The following CES4A variants were observed in gnomAD, a reference collection of about 807,000 sequenced individuals.
The protein encoded by CES4A is carboxylesterase 4A.
Under a neutral mutation model 65.4 loss-of-function variants are expected in CES4A, and 48 were observed. The ratio of observed to expected loss-of-function variants is 0.73; its 90% CI spans 0.58 to 0.93. The LOEUF (loss-of-function observed/expected upper bound fraction) is 0.93, where lower values mean the gene tolerates loss of function less well. CES4A is among the 40% of genes least tolerant of loss of function. CES4A has a pLI of 0.00. For missense variants in CES4A, 685 were observed against 728.5 expected (o/e 0.94, Z 0.69); for synonymous variants, 247 against 281.8 (o/e 0.88, Z 1.24).
chr16:67,002,933 G>A, intron 5 of CES4A, 137 bp from the exon 6 acceptor site: 1 of 710,704 alleles, frequency 1.4e-6, no homozygotes, highest in African/African-American at 1.7e-5. Context: ...ATCACCCCAG[G>A]ACTCCTGACT....
At chr16:66,988,806 T>C (rs1256542478) in exon 1 of CES4A, 2 of 1,569,768 alleles carry the variant, frequency 1.3e-6, no homozygotes, top group Non-Finnish European at 1.7e-6. Context: ...CCTCACCCTC[T>C]GCCTGATGGC....
In CES4A at chr16:67,008,825, T is replaced by G. The variant is rs963148531; in HGVS notation, c.1518-149T>G. On this transcript the variant is annotated intron_variant, in intron 13 of 13. Transcript: ENST00000648724. ...GGAAGGCCCACCCCAATACACACTT[T>G]CCTACTCTTTATTAAAGTTCTAAGT... The G allele has an allele frequency of 4.5e-5, 35 of 779,604 alleles. 1 individual carries two copies. The highest frequency in any genetic ancestry group is 6.9e-5 in the Non-Finnish European group (33 of 476,034). 48.3% of individuals were successfully genotyped at this position (779,604 alleles called of 1,614,324 possible). A position where few individuals can be genotyped will look rare whatever the true frequency, so the allele number is the denominator to read the frequency against.
exon 2 of CES4A, chr16:66,995,665 A>C (rs1376197023): frequency 6.2e-7 from 1 of 1,614,090 alleles, no homozygotes; most frequent in African/African-American, 1.3e-5. Context: ...TGGTCACCAA[A>C]TATGGAACCC....
intron 1 of CES4A, 101 bp downstream of exon 1, chr16:66,988,931 G>C (rs1964160875): frequency 4.4e-6 from 6 of 1,378,322 alleles, no homozygotes; most frequent in Non-Finnish European, 5.8e-6. Flanking sequence ...CAGGGCAGGA[G>C]CACTTAGACA....
intron 2 of CES4A, among the ~76,000 whole-genome samples, chr16:66,996,935 G>A (rs896153275): frequency 1.3e-5 from 2 of 151,886 alleles, no homozygotes; most frequent in Admixed American, 1.3e-4. Context: ...GAGCACCTGT[G>A]GTCCCAGTTA....
chr16:66,989,804 G>A (rs1472294875), intron 1 of CES4A, among the ~76,000 whole-genome samples: 8 of 151,374 alleles, frequency 5.3e-5, no homozygotes, highest in Admixed American at 6.6e-5. Context: ...GTAGTGAGCC[G>A]AGATCGTGCC....
intron 5 of CES4A, among the ~76,000 whole-genome samples, chr16:67,002,671 T>G (rs1416716216): frequency 1.3e-5 from 2 of 151,956 alleles, no homozygotes; most frequent in African/African-American, 4.8e-5. Flanking sequence ...AGGGACAGGA[T>G]GGGAGGCCCT....
Position 67,003,056 on chromosome 16 carries a change from C to T in CES4A, c.691-14C>T, listed in dbSNP as rs758090835. On this transcript the variant is annotated splice_polypyrimidine_tract_variant and intron_variant, in intron 5 of 13. Transcript: ENST00000648724. The surrounding 1 kb of genome is among the most constrained non-coding windows in gnomAD (Gnocchi z 4.2). ...TTGGGCATCTCACGGGTGTATTCCT[C>T]CCTGTTCTTGCAGATGATGTCACCC... is the stretch of plus-strand genomic sequence containing the variant. 6.2e-7 allele frequency: 1 copy of T among 1,609,834 alleles called. No individual in the cohort carries two copies. Among genetic ancestry groups the T allele is most frequent in the South Asian group, 1.1e-5 (1 of 90,966 alleles).
rs761246337 is a variant in CES4A at position 66,996,042 on chromosome 16, T to C, written c.260+213T>C. 4.4e-6 allele frequency: 3 copies of C among 687,906 alleles called. No homozygotes were observed. In the South Asian group the frequency reaches 4.5e-5, roughly 10 times the overall value. The allele number at this position is 687,906 out of a possible 1,614,324, so 42.6% of individuals were successfully genotyped here. ...CAATGCTGCTGTTGGTTTTTGTTTT[T>C]GTTTTTGTTTTTTTTAGATGGAGTC... On this transcript the variant is annotated intron_variant, in intron 2 of 13. Coordinates refer to ENST00000648724, the Ensembl canonical transcript of CES4A.
In CES4A at chr16:67,001,860, C is replaced by G. The variant is rs996494205; in HGVS notation, c.690+399C>G. On this transcript the variant is annotated intron_variant, in intron 5 of 13. Transcript: ENST00000648724. The surrounding 1 kb of genome is among the most constrained non-coding windows in gnomAD (Gnocchi z 4.1). The stretch of plus-strand genomic sequence containing the variant: ...AGTTGACGGGCTTTGCCCCTGACTC[C>G]TGTGTGACTGCTGACCTGGGATGTG... 1.3e-5 allele frequency among the ~76,000 whole-genome samples: 2 copies of G among 152,264 alleles called. No individual in the cohort carries two copies. Among genetic ancestry groups the G allele is most frequent in the African/African-American group, 4.8e-5 (2 of 41,472 alleles).
At position 67,000,653 on chromosome 16, in the gene CES4A, C is replaced by T; in HGVS notation, c.276C>T (p.Ser92=). Residue 92 remains serine, a synonymous_variant, in exon 3 of 14, where the codon TCC becomes TCT. Transcript: ENST00000648724. This position sits in a 1 kb window ranked among gnomAD's most constrained non-coding sequence, Gnocchi z 4.2. ...GTGCCCGCAGGTGCCTGCAGGAGTCCTGGGGCCAGCTGGCCTCGATGTACG... is the reference window on the plus strand; with the variant it reads ...GTGCCCGCAGGTGCCTGCAGGAGTCTTGGGGCCAGCTGGCCTCGATGTACG... 6.5e-7 allele frequency: 1 copy of T among 1,548,836 alleles called. No individual in the cohort carries two copies. The highest frequency in any genetic ancestry group is 1.2e-5 in the South Asian group (1 of 83,968).
rs1161732649 is a variant in CES4A at position 67,001,961 on chromosome 16, T to A, written c.690+500T>A. Among the ~76,000 whole-genome samples the A allele has an allele frequency of 4.6e-5, 7 of 152,238 alleles. No homozygotes were observed. The highest frequency in any genetic ancestry group is 8.8e-5 in the Non-Finnish European group (6 of 68,040). ...GAAGTGAACACATCACACAGGACAT[T>A]GCTGGCCACAGTCATAATAATACTC... On this transcript the variant is annotated intron_variant, in intron 5 of 13. Transcript: ENST00000648724. This position sits in a 1 kb window ranked among gnomAD's most constrained non-coding sequence, Gnocchi z 4.1.
At position 67,001,749 on chromosome 16, in the gene CES4A, C is replaced by T. The variant is rs1244118261; in HGVS notation, c.690+288C>T. Reference sequence around the variant, plus strand: ...CACCTTCTGCCTCTCCACATTCCCCCAGAACTCTATCCCCTGAACAGAGCC... The same window carrying T: ...CACCTTCTGCCTCTCCACATTCCCCTAGAACTCTATCCCCTGAACAGAGCC... On this transcript the variant is annotated intron_variant, in intron 5 of 13. Coordinates refer to ENST00000648724, the Ensembl canonical transcript of CES4A. The surrounding 1 kb of genome is among the most constrained non-coding windows in gnomAD (Gnocchi z 4.1). 2.0e-5 allele frequency among the ~76,000 whole-genome samples: 3 copies of T among 152,250 alleles called. No homozygotes were observed. Among genetic ancestry groups the T allele is most frequent in the Non-Finnish European group, 4.4e-5 (3 of 68,042 alleles).
intron 1 of CES4A, among the ~76,000 whole-genome samples, chr16:66,994,213 A>C (rs575712652): frequency 1.6e-4 from 21 of 133,842 alleles, no homozygotes; most frequent in Non-Finnish European, 3.0e-4. Context: ...AATAGACATA[A>C]ATTTTTATTT....
At chr16:66,999,583 C>G (rs1418934595) in intron 2 of CES4A, among the ~76,000 whole-genome samples, 1 of 152,210 alleles carries the variant, frequency 6.6e-6, no homozygotes, top group East Asian at 1.9e-4. Flanking sequence ...GGGCAGATCA[C>G]TTAAGGCCAG....
rs1244561772 is a variant in CES4A, at chr16:67,001,444, A to G, written c.673A>G (p.Met225Val). Residue 225 changes from methionine to valine, a missense_variant, in exon 5 of 14, where the codon ATG becomes GTG. Physicochemically the swap from Met to Val is conservative, Grantham distance 21 (BLOSUM62 1). Coordinates refer to ENST00000648724, the Ensembl canonical transcript of CES4A. The surrounding 1 kb of genome is among the most constrained non-coding windows in gnomAD (Gnocchi z 4.1). ...CCTGTTCGGCCAGTCGGCGGGGGCC[A>G]TGAGCATCTCAGGACTGGTGAGAGC... is the stretch of plus-strand genomic sequence containing the variant. 14 of 1,609,628 alleles carry G rather than the reference A, an allele frequency of 8.7e-6. No homozygotes were observed. Among genetic ancestry groups the G allele is most frequent in the African/African-American group, 1.3e-5 (1 of 74,904 alleles).
chr16:67,003,298 A>G lies in CES4A; in HGVS notation c.838A>G (p.Ile280Val). The change falls in exon 7 of 14, where the codon ATC becomes GTC. Residue 280 changes from isoleucine (I) to valine (V), a missense_variant. By Grantham distance (29) the Ile-to-Val change is conservative (BLOSUM62 3). Coordinates refer to ENST00000648724, the Ensembl canonical transcript of CES4A. This position sits in a 1 kb window ranked among gnomAD's most constrained non-coding sequence, Gnocchi z 4.2. ...TGGATGCAACCACAACAGCACACAG[A>G]TCCTGGTAAACTGCCTGAGGGCACT... is the stretch of plus-strand genomic sequence containing the variant. The G allele has an allele frequency of 6.2e-7, 1 of 1,614,180 alleles. No homozygotes were observed. Among genetic ancestry groups the G allele is most frequent in the Non-Finnish European group, 8.5e-7 (1 of 1,180,036 alleles).
Position 67,000,494 on chromosome 16 carries a change from T to C in CES4A, c.261-144T>C. 2 of 1,435,362 alleles carry C rather than the reference T, an allele frequency of 1.4e-6. No homozygotes were observed. The highest frequency in any genetic ancestry group is 1.8e-6 in the Non-Finnish European group (2 of 1,095,916). 88.9% of individuals were successfully genotyped at this position (1,435,362 alleles called of 1,614,324 possible). A position where few individuals can be genotyped will look rare whatever the true frequency, so the allele number is the denominator to read the frequency against. ...GGCCCCGGGGCTGGCGGAGGCCTCC[T>C]GTACACGCACACGCACGCACATGCG... On this transcript the variant is annotated intron_variant, in intron 2 of 13. Transcript: ENST00000648724. This position sits in a 1 kb window ranked among gnomAD's most constrained non-coding sequence, Gnocchi z 4.2.
rs769024732 is a variant in CES4A at position 67,001,040 on chromosome 16, G to A, written c.536+50G>A. The A allele has an allele frequency of 1.3e-6, 2 of 1,551,930 alleles. No individual in the cohort carries two copies. Among genetic ancestry groups the A allele is most frequent in the Non-Finnish European group, 1.8e-6 (2 of 1,133,542 alleles). On this transcript the variant is annotated intron_variant, in intron 4 of 13. Transcript: ENST00000648724. This position sits in a 1 kb window ranked among gnomAD's most constrained non-coding sequence, Gnocchi z 4.1. The stretch of plus-strand genomic sequence containing the variant: ...ACCGCAGCTGTGGCCAGAGCGGCGG[G>A]GACTGGGTGGGAAGGGAGGGGCGGG...
Sources: allele counts gnomAD v4.1 joint callset (sites outside exome capture counted in the v4.1 genomes callset), GRCh38; gene constraint gnomAD v4.1.1; non-coding constraint Gnocchi (gnomAD v3.1); transcripts MANE v1.5; gene names NCBI Gene and HGNC (gene_info 2026-07-23, HGNC 2026-07-21).